MYO7A: variants seen among roughly 807,000 people sequenced by gnomAD.
MYO7A encodes the protein unconventional myosin-VIIa.
A neutral mutation model predicts 263.8 loss-of-function variants in MYO7A; 210 were observed. That is an observed-to-expected ratio of 0.80 (90% CI 0.71 to 0.89). The LOEUF is 0.89. Ranked by LOEUF, MYO7A falls within the 40% of genes least tolerant of loss-of-function variation. The pLI is 0.00. For missense variants in MYO7A, 2,820 were observed against 2,968.3 expected, an observed-to-expected ratio of 0.95 and a Z score of 1.16; for synonymous variants, 1,239 against 1,197.3, an observed-to-expected ratio of 1.03 and a Z score of -0.72.
intron 44 of MYO7A, 80 bp from the exon 45 acceptor site, chr11:77,211,072 T>G: frequency 1.5e-6 from 2 of 1,308,424 alleles, no homozygotes; most frequent in Non-Finnish European, 2.1e-6. Context: ...GACCCCGGCG[T>G]TGGGGGTCTT....
intron 10 of MYO7A, 28 bp downstream of exon 10, chr11:77,159,551 T>C (rs1555066975): frequency 6.2e-7 from 1 of 1,604,924 alleles, no homozygotes; most frequent in South Asian, 1.1e-5. Context: ...CTCCCCTCCA[T>C]GACTTCTGTC....
chr11:77,156,014 C>T lies in MYO7A; in HGVS notation c.393C>T (p.Pro131=). 1.2e-6 allele frequency: 2 copies of T among 1,613,920 alleles called. No homozygotes were observed. Among genetic ancestry groups the T allele is most frequent in the Non-Finnish European group, 8.5e-7 (1 of 1,179,874 alleles). ...CCAACAAGAAGATTGGGGAGATGCC[C>T]CCCCACATCTTTGCCATTGCTGACA... ...QYTNKKIGEM[P]PHIFAIADNC... is the part of the protein sequence containing the mutation. Residue 131 remains proline (P), a synonymous_variant, in exon 5 of 49, where the codon CCC becomes CCT. Transcript: ENST00000409709.
chr11:77,160,927 CG>C (rs1565353816), intron 11 of MYO7A, 45 bp from the exon 12 acceptor site: 2 of 1,574,356 alleles, frequency 1.3e-6, no homozygotes, highest in East Asian at 4.7e-5. Context: ...GCCTGTCCCC[CG>C]GGGGAGGGTG....
At chr11:77,150,692 G>A (rs1057012921) in intron 4 of MYO7A, among the ~76,000 whole-genome samples, 2 of 152,148 alleles carry the variant, frequency 1.3e-5, no homozygotes, top group African/African-American at 4.8e-5. Flanking sequence ...ACCCCTGGCC[G>A]GGAAACCACG....
Position 77,157,518 on chromosome 11 carries a change from T to G in MYO7A, c.849+126T>G, listed in dbSNP as rs532390323. ...CTCAGGTGCCAGCTTCTTGCTGGCT[T>G]GTCTGGACACCAAGGAGAAGTGGGC... On this transcript the variant is annotated intron_variant, in intron 8 of 48. Transcript: ENST00000409709. 3.5e-4 allele frequency: 229 copies of G among 657,718 alleles called. No homozygotes were observed. The African/African-American group carries it at 3.8e-3, about 11-fold the overall frequency. 40.7% of individuals were successfully genotyped at this position (657,718 alleles called of 1,614,324 possible).
intron 5 of MYO7A, 91 bp downstream of exon 5, chr11:77,156,182 G>A (rs943653161): frequency 1.6e-5 from 22 of 1,418,978 alleles, no homozygotes; most frequent in African/African-American, 4.2e-5. Flanking sequence ...AATTGCCCCC[G>A]CTGTCGGAAA....
intron 2 of MYO7A, among the ~76,000 whole-genome samples, chr11:77,131,299 A>T (rs1288036770): frequency 6.6e-6 from 1 of 152,168 alleles, no homozygotes; most frequent in Non-Finnish European, 1.5e-5. Flanking sequence ...GCTGTGCATT[A>T]TGGGGGCTTG....
chr11:77,156,972 T>G lies in MYO7A; in HGVS notation c.703T>G (p.Tyr235Asp). 6.2e-7 allele frequency: 1 copy of G among 1,613,814 alleles called. No individual in the cohort carries two copies. Among genetic ancestry groups the G allele is most frequent in the Non-Finnish European group, 8.5e-7 (1 of 1,179,858 alleles). Residue 235 changes from tyrosine to aspartate, a missense_variant, in exon 7 of 49, where the codon TAC becomes GAC. Transcript: ENST00000409709. ...GAIEGAKIEQ[Y>D]LLEKSRVCRQ... ...CATCGAGGGCGCGAAGATTGAGCAG[T>G]ACCTGCTGGAAAAGTCACGTGTCTG...
At chr11:77,168,720 G>A (rs781896083) in intron 15 of MYO7A, among the ~76,000 whole-genome samples, 1 of 152,168 alleles carries the variant, frequency 6.6e-6, no homozygotes, top group Non-Finnish European at 1.5e-5. Context: ...AATTCCTTGA[G>A]CCCAGGAGTT....
chr11:77,202,589 T>C (rs1957141622), intron 37 of MYO7A, among the ~76,000 whole-genome samples, 165 bp downstream of exon 37: 2 of 152,094 alleles, frequency 1.3e-5, no homozygotes, highest in Non-Finnish European at 2.9e-5. Context: ...TGACCCGTCC[T>C]ATGTGTCTCA....
rs375428464 is a variant in MYO7A at position 77,156,799 on chromosome 11, A to T, written c.592+18A>T. Reference sequence around the variant, plus strand: ...TCTGGAAGGTAGGACCAGAGTTCCGAGGGTGGGACCAGGCAGTGGGGCGGG... The same window carrying T: ...TCTGGAAGGTAGGACCAGAGTTCCGTGGGTGGGACCAGGCAGTGGGGCGGG... On this transcript the variant is annotated intron_variant, in intron 6 of 48. Transcript: ENST00000409709. The T allele has an allele frequency of 1.7e-5, 28 of 1,613,764 alleles. No individual in the cohort carries two copies. The African/African-American group carries it at 2.5e-4, about 15-fold the overall frequency.
At position 77,146,212 on chromosome 11, in the gene MYO7A, C is replaced by T. The variant is rs137915264; in HGVS notation, c.133-1586C>T. 3.3e-3 allele frequency among the ~76,000 whole-genome samples: 510 copies of T among 152,260 alleles called. 2 individuals are homozygous for T. Among genetic ancestry groups the T allele is most frequent in the Middle Eastern group, 0.01 (3 of 294 alleles). ...CAGAGGCCTTTGGGGACATGAAACC[C>T]GTGTTCCCTGGCTAGGATGTACCGG... On this transcript the variant is annotated intron_variant, in intron 3 of 48. Coordinates refer to ENST00000409709, the MANE Select transcript of MYO7A (RefSeq NM_000260.4).
chr11:77,189,102 C>T (rs573419445), intron 27 of MYO7A, among the ~76,000 whole-genome samples: 9 of 152,274 alleles, frequency 5.9e-5, no homozygotes, highest in Admixed American at 3.9e-4. Flanking sequence ...ATGGTGGGGC[C>T]CTGGCTGTGG....
At chr11:77,144,205 C>T (rs1359327415) in intron 3 of MYO7A, among the ~76,000 whole-genome samples, 1 of 152,204 alleles carries the variant, frequency 6.6e-6, no homozygotes, top group Non-Finnish European at 1.5e-5. Flanking sequence ...GGCCGTAGAA[C>T]CCAAGGCCTG....
At chr11:77,196,877 G>A (rs180879472) in intron 32 of MYO7A, among the ~76,000 whole-genome samples, 6 of 152,198 alleles carry the variant, frequency 3.9e-5, no homozygotes, top group Non-Finnish European at 8.8e-5. Flanking sequence ...TAGGGCTTGG[G>A]GGAATATTTT....
intron 14 of MYO7A, among the ~76,000 whole-genome samples, chr11:77,165,214 C>G (rs1953418484): frequency 6.6e-6 from 1 of 152,242 alleles, no homozygotes; most frequent in African/African-American, 2.4e-5. Flanking sequence ...CAGCCTAGCA[C>G]TGGATCTCTG....
intron 44 of MYO7A, among the ~76,000 whole-genome samples, chr11:77,210,287 CAG>C (rs1957774686): frequency 2.0e-5 from 3 of 151,570 alleles, no homozygotes; most frequent in African/African-American, 4.8e-5. Flanking sequence ...GTTGGATTGA[CAG>C]ATGGGTGAGT....
At chr11:77,174,396 G>C (rs993936886) in intron 16 of MYO7A, among the ~76,000 whole-genome samples, 2 of 152,124 alleles carry the variant, frequency 1.3e-5, no homozygotes, top group African/African-American at 2.4e-5. Flanking sequence ...AAAGTCCTGC[G>C]CTTTCAGGCT....
rs528561252 is a variant in MYO7A, at chr11:77,182,181, T to C, written c.3108+27T>C. On this transcript the variant is annotated intron_variant, in intron 24 of 48. Coordinates refer to ENST00000409709, the MANE Select transcript of MYO7A (RefSeq NM_000260.4). ...TAAGGCCTGCCTGTCACTAGGTCACTGCTGGGTGGGGCCAGGGCTGGGGCT... is the reference window on the plus strand; with the variant it reads ...TAAGGCCTGCCTGTCACTAGGTCACCGCTGGGTGGGGCCAGGGCTGGGGCT... 1.2e-4 allele frequency: 198 copies of C among 1,611,826 alleles called. 3 individuals carry two copies. The East Asian group carries it at 1.3e-3, about 11-fold the overall frequency.
Sources: allele counts gnomAD v4.1 joint callset (sites outside exome capture counted in the v4.1 genomes callset), GRCh38; gene constraint gnomAD v4.1.1; transcripts MANE v1.5; gene names NCBI Gene and HGNC (gene_info 2026-07-23, HGNC 2026-07-21).